The following ZNF521 variants were observed in gnomAD, a reference collection of about 807,000 sequenced individuals.
ZNF521 encodes zinc finger protein 521.
In ZNF521, 14 loss-of-function variants were observed where a neutral mutation model predicts 105.5. That is an observed-to-expected ratio of 0.13 (90% confidence interval 0.09 to 0.21). ZNF521 has a LOEUF of 0.21. ZNF521 is among the 10% of genes least tolerant of loss of function. ZNF521 has a pLI of 1.00. For missense variants in ZNF521, 1,233 were observed against 1,629.7 expected (o/e 0.76, Z 4.19); for synonymous variants, 635 against 606.0 (o/e 1.05, Z -0.70).
At chr18:25,097,875 ACT>A (rs2144243185) in intron 5 of ZNF521, among the ~76,000 whole-genome samples, 2 of 152,288 alleles carry the variant, frequency 1.3e-5, no homozygotes, top group South Asian at 4.1e-4. Flanking sequence ...TGATATTGCC[ACT>A]GTTATTTCCT....
At chr18:25,069,734 CAT>C (rs1854696623) in intron 7 of ZNF521, among the ~76,000 whole-genome samples, 1 of 152,172 alleles carries the variant, frequency 6.6e-6, no homozygotes, top group Non-Finnish European at 1.5e-5. Context: ...ATCGAAAAGA[CAT>C]ATGCATAGTG....
intron 5 of ZNF521, among the ~76,000 whole-genome samples, chr18:25,097,188 A>G (rs2033869890): frequency 6.6e-6 from 1 of 152,144 alleles, no homozygotes; most frequent in South Asian, 2.1e-4. Flanking sequence ...AAAAATAGGC[A>G]GACTGCAGTA....
At chr18:25,293,277 C>T (rs1170538318) in intron 3 of ZNF521, among the ~76,000 whole-genome samples, 1 of 151,882 alleles carries the variant, frequency 6.6e-6, no homozygotes, top group African/African-American at 2.4e-5. Flanking sequence ...CACTCCTCTA[C>T]CTTTCGCCCA....
intron 5 of ZNF521, among the ~76,000 whole-genome samples, chr18:25,110,402 T>A (rs991947856): frequency 2.2e-4 from 34 of 151,968 alleles, no homozygotes; most frequent in Middle Eastern, 6.8e-3. Flanking sequence ...TTTTATATGG[T>A]TTTTGTTGTT....
intron 4 of ZNF521, among the ~76,000 whole-genome samples, chr18:25,218,465 T>C (rs535606594): frequency 3.3e-5 from 4 of 121,414 alleles, no homozygotes; most frequent in African/African-American, 9.7e-5. Context: ...GCCAACATAA[T>C]GAGACCTCGA....
intron 3 of ZNF521, among the ~76,000 whole-genome samples, chr18:25,243,484 A>G (rs982065559): frequency 1.3e-5 from 2 of 152,222 alleles, no homozygotes; most frequent in Non-Finnish European, 2.9e-5. Context: ...AGAACTGGAT[A>G]TCAAAGCTCA....
intron 2 of ZNF521, among the ~76,000 whole-genome samples, chr18:25,330,963 C>G (rs1186710481): frequency 6.6e-6 from 1 of 152,174 alleles, no homozygotes; most frequent in African/African-American, 2.4e-5. Flanking sequence ...CCTGCTGAAG[C>G]TTTTTCTAGA....
At chr18:25,218,140 A>G (rs1278415914) in intron 4 of ZNF521, among the ~76,000 whole-genome samples, 2 of 152,192 alleles carry the variant, frequency 1.3e-5, no homozygotes, top group African/African-American at 4.8e-5. Context: ...ATATCATCCT[A>G]TGGGGATGGA....
intron 3 of ZNF521, among the ~76,000 whole-genome samples, chr18:25,303,542 C>T (rs892702770): frequency 6.6e-5 from 10 of 152,170 alleles, no homozygotes; most frequent in African/African-American, 2.2e-4. Context: ...ATGATCTGCC[C>T]GTCTCGGCCT....
At chr18:25,130,193 T>C (rs1250671381) in intron 5 of ZNF521, among the ~76,000 whole-genome samples, 1 of 152,176 alleles carries the variant, frequency 6.6e-6, no homozygotes, top group African/African-American at 2.4e-5. Context: ...ATGAAACACA[T>C]GGATGAATCT....
intron 7 of ZNF521, among the ~76,000 whole-genome samples, chr18:25,064,848 C>A (rs1002438660): frequency 2.6e-5 from 4 of 152,148 alleles, no homozygotes; most frequent in African/African-American, 9.7e-5. Context: ...ATGATGCAGA[C>A]CAGTATTTCA....
At chr18:25,310,281 TA>T (rs2145104484) in intron 3 of ZNF521, among the ~76,000 whole-genome samples, 1 of 152,286 alleles carries the variant, frequency 6.6e-6, no homozygotes, top group African/African-American at 2.4e-5. Flanking sequence ...ATACACATAC[TA>T]ATATTAATTA....
chr18:25,194,415 T>C (rs962247599), intron 5 of ZNF521, among the ~76,000 whole-genome samples: 1 of 151,694 alleles, frequency 6.6e-6, no homozygotes, highest in East Asian at 1.9e-4. Flanking sequence ...TATTACTAAA[T>C]GCTTATCAAA....
intron 2 of ZNF521, among the ~76,000 whole-genome samples, chr18:25,345,919 A>T (rs1317911148): frequency 6.6e-6 from 1 of 152,140 alleles, no homozygotes; most frequent in African/African-American, 2.4e-5. Flanking sequence ...ACAAGTCCAA[A>T]AGTAAAGCAT....
intron 3 of ZNF521, among the ~76,000 whole-genome samples, chr18:25,259,587 C>T (rs865849868): frequency 1.3e-5 from 2 of 152,080 alleles, no homozygotes; most frequent in African/African-American, 4.8e-5. Flanking sequence ...AAAACAGCAA[C>T]AGGAGGGTGG....
intron 3 of ZNF521, among the ~76,000 whole-genome samples, chr18:25,232,831 G>A (rs998876762): frequency 1.7e-4 from 26 of 152,092 alleles, no homozygotes; most frequent in South Asian, 4.1e-4. Flanking sequence ...CAAACAATAG[G>A]GTAAGACTTG....
intron 7 of ZNF521, among the ~76,000 whole-genome samples, chr18:25,066,044 A>G (rs1297946456): frequency 1.3e-5 from 2 of 152,254 alleles, no homozygotes; most frequent in Non-Finnish European, 2.9e-5. Flanking sequence ...CAATGTAAGT[A>G]ATATCAACCT....
intron 5 of ZNF521, among the ~76,000 whole-genome samples, chr18:25,193,320 ATTG>A (rs1383174240): frequency 5.9e-5 from 9 of 152,140 alleles, no homozygotes; most frequent in Admixed American, 2.0e-4. Flanking sequence ...GAGTATTAAC[ATTG>A]TGGTGAAAAT....
At chr18:25,141,335 G>T (rs1327799410) in intron 5 of ZNF521, among the ~76,000 whole-genome samples, 1 of 152,168 alleles carries the variant, frequency 6.6e-6, no homozygotes, top group Admixed American at 6.5e-5. Flanking sequence ...AGGTGTGGTG[G>T]TCCTGCCAAA....
Sources: allele counts gnomAD v4.1 joint callset (sites outside exome capture counted in the v4.1 genomes callset), GRCh38; gene constraint gnomAD v4.1.1; transcripts MANE v1.5; gene names NCBI Gene and HGNC (gene_info 2026-07-23, HGNC 2026-07-21).